The following SHOX2 variants were observed in gnomAD, a reference collection of about 807,000 sequenced individuals.
The protein encoded by SHOX2 is short stature homeobox protein 2.
Under a neutral mutation model 31.3 loss-of-function variants are expected in SHOX2, and 13 were observed. That is an observed-to-expected ratio of 0.42 (90% CI 0.27 to 0.66). SHOX2 has a LOEUF of 0.66. SHOX2 is among the 30% of genes least tolerant of loss of function. The pLI is 0.27. For synonymous variants in SHOX2, 244 were observed against 196.2 expected (o/e 1.24, Z -2.04); for missense variants, 473 against 443.0 (o/e 1.07, Z -0.61).
intron 1 of SHOX2, chr3:158,103,530 C>A (rs964763670): frequency 1.3e-5 from 2 of 155,680 alleles, no homozygotes; most frequent in African/African-American, 2.4e-5. Context: ...CCCCTGGGCT[C>A]GGGCCAAACC....
At chr3:158,103,135 C>T in intron 1 of SHOX2, 1 of 566,164 alleles carries the variant, frequency 1.8e-6, no homozygotes, top group Non-Finnish European at 3.2e-6. Context: ...TCATCCACCA[C>T]CTCCTTCACA....
Position 158,106,224 on chromosome 3 carries a change from AAG to A in SHOX2, c.-202_-201del. ...AGAGGAGGAGAAGTAGAAGGAGAAAAAGAAGTAAGAAGAGGAGGAGGAGGAAG... is the reference window on the plus strand; with the variant it reads ...AGAGGAGGAGAAGTAGAAGGAGAAAAAAGTAAGAAGAGGAGGAGGAGGAAG... On this transcript the variant is annotated 5_prime_UTR_variant, in exon 1 of 5. Coordinates refer to ENST00000483851, the MANE Select transcript of SHOX2 (RefSeq NM_001163678.2). 2 of 787,436 alleles carry A rather than the reference AAG, an allele frequency of 2.5e-6. No homozygotes were observed. The highest frequency in any genetic ancestry group is 3.4e-5 in the East Asian group (1 of 29,078). The allele number at this position is 787,436 out of a possible 1,614,324, so 48.8% of individuals were successfully genotyped here.
At chr3:158,105,254 C>G in intron 1 of SHOX2, 1 of 664,328 alleles carries the variant, frequency 1.5e-6, no homozygotes, top group East Asian at 2.7e-5. Flanking sequence ...CACCTCTGCC[C>G]CTTCTCCCTC....
intron 1 of SHOX2, 55 bp from the exon 2 acceptor site, chr3:158,102,941 C>A: frequency 1.4e-6 from 2 of 1,429,402 alleles, no homozygotes; most frequent in South Asian, 1.1e-5. Context: ...CACACACACA[C>A]ACGCACACAC....
At position 158,105,984 on chromosome 3, in the gene SHOX2, T is replaced by C; in HGVS notation, c.41A>G (p.Gln14Arg). The C allele has an allele frequency of 1.9e-6, 3 of 1,613,242 alleles. No homozygotes were observed. Among genetic ancestry groups the C allele is most frequent in the Non-Finnish European group, 2.5e-6 (3 of 1,179,824 alleles). ...LTAFVSKSFD[Q>R]KVKEKKEAIT... ...CGCCTCCTTCTTCTCCTTCACTTTC[T>C]GGTCAAAAGACTTGGAGACGAACGC... Residue 14 changes from glutamine to arginine, a missense_variant, in exon 1 of 5, where the codon CAG becomes CGG. This residue lies in a region of SHOX2 where 276 missense variants were observed against 230.0 expected (regional missense o/e 1.20). Coordinates refer to ENST00000483851, the MANE Select transcript of SHOX2 (RefSeq NM_001163678.2).
intron 2 of SHOX2, 64 bp downstream of exon 2, chr3:158,102,614 A>G (rs576242100): frequency 2.9e-6 from 4 of 1,365,132 alleles, no homozygotes; most frequent in Middle Eastern, 2.2e-4. Context: ...GTGTCCCCCA[A>G]GCCTCTTTCC....
chr3:158,105,680 C>T lies in SHOX2; in HGVS notation c.345G>A (p.Glu115=). 6.6e-7 allele frequency: 1 copy of T among 1,523,838 alleles called. No homozygotes were observed. The highest frequency in any genetic ancestry group is 1.7e-4 in the Middle Eastern group (1 of 5,848). 94.4% of individuals were successfully genotyped at this position (1,523,838 alleles called of 1,614,324 possible). ...SREPGSPRLT[E]VSPELKDRKE... ...GCCGGGGGTCAGTCAGGTCGTTACC[C>T]TCCGTCAGTCGCGGGCTGCCCGGCT... Residue 115 remains glutamate, a splice_region_variant and synonymous_variant, in exon 1 of 5, where the codon GAG becomes GAA. Transcript: ENST00000483851.
In SHOX2 at chr3:158,097,898, GA is replaced by G; in HGVS notation, c.*128del. 3.4e-6 allele frequency: 4 copies of G among 1,191,422 alleles called. No homozygotes were observed. Among genetic ancestry groups the G allele is most frequent in the Non-Finnish European group, 4.7e-6 (4 of 850,942 alleles). The allele number at this position is 1,191,422 out of a possible 1,614,324, so 73.8% of individuals were successfully genotyped here. On this transcript the variant is annotated 3_prime_UTR_variant, in exon 5 of 5. Transcript: ENST00000483851. ...GTCCAAGATGCGATAGGGGACGAGG[GA>G]TGGTCAGTGAGGCGGGAAGAGGGCC... is the stretch of plus-strand genomic sequence containing the variant.
At position 158,100,058 on chromosome 3, in the gene SHOX2, T is replaced by C. The variant is rs773611071; in HGVS notation, c.614-110A>G. Reference sequence around the variant, plus strand: ...TTCCTTTGAAAATGGACTATTATCTTTCTAAACTGCATCCAAAATTTAAAT... The same window carrying C: ...TTCCTTTGAAAATGGACTATTATCTCTCTAAACTGCATCCAAAATTTAAAT... On this transcript the variant is annotated intron_variant, in intron 3 of 4. Transcript: ENST00000483851. The C allele has an allele frequency of 1.8e-5, 18 of 1,014,970 alleles. No homozygotes were observed. The Admixed American group carries it at 2.2e-4, about 13-fold the overall frequency. 62.9% of individuals were successfully genotyped at this position (1,014,970 alleles called of 1,614,324 possible). A position where few individuals can be genotyped will look rare whatever the true frequency, so the allele number is the denominator to read the frequency against.
rs959523640 is a variant in SHOX2, at chr3:158,105,747, G to A, written c.278C>T (p.Pro93Leu). 7.2e-6 allele frequency: 11 copies of A among 1,521,940 alleles called. No individual in the cohort carries two copies. The highest frequency in any genetic ancestry group is 9.7e-6 in the Non-Finnish European group (11 of 1,135,912). 94.3% of individuals were successfully genotyped at this position (1,521,940 alleles called of 1,614,324 possible). The change falls in exon 1 of 5, where the codon CCC (proline) becomes CTC (leucine). Residue 93 changes from proline (P) to leucine (L), a missense_variant. By Grantham distance (98) the Pro-to-Leu change is moderately conservative. This residue lies in a region of SHOX2 where 276 missense variants were observed against 230.0 expected (regional missense o/e 1.20). Transcript: ENST00000483851. Reference sequence around the variant, plus strand: ...GGCGCCCATGTCCAGCTCCCGGACGGGAGAGCGCCCTCCTCCAGCTCCTCC... The same window carrying A: ...GGCGCCCATGTCCAGCTCCCGGACGAGAGAGCGCCCTCCTCCAGCTCCTCC... ...AGGGAGGGRS[P>L]VRELDMGAAE...
In SHOX2 at chr3:158,102,357, A is replaced by G. The variant is rs578075224; in HGVS notation, c.555+321T>C. On this transcript the variant is annotated intron_variant, in intron 2 of 4. Coordinates refer to ENST00000483851, the MANE Select transcript of SHOX2 (RefSeq NM_001163678.2). ...TGTGGGATTTTTTTTTAAGCCTTAT[A>G]AAAGTAGGCCCATTAGGATTAAACC... 2.6e-5 allele frequency among the ~76,000 whole-genome samples: 4 copies of G among 152,208 alleles called. No individual in the cohort carries two copies. The South Asian group carries it at 6.2e-4, about 24-fold the overall frequency.
At chr3:158,103,708 C>G (rs1215022119) in intron 1 of SHOX2, 4 of 152,312 alleles carry the variant, frequency 2.6e-5, no homozygotes, top group African/African-American at 9.6e-5. Context: ...GCGAAAGCAA[C>G]CGCTCTTTCT....
chr3:158,103,630 T>C (rs1608102), intron 1 of SHOX2: 137,907 of 152,352 alleles, frequency 0.91, 62,675 homozygotes, highest in East Asian at 1. Context: ...CCATGTTGGC[T>C]GCCCAAAGGG....
intron 1 of SHOX2, among the ~76,000 whole-genome samples, chr3:158,104,802 TTTC>T (rs1345764945): frequency 6.6e-6 from 1 of 152,252 alleles, no homozygotes; most frequent in African/African-American, 2.4e-5. Flanking sequence ...TGCCACATAT[TTTC>T]TTAATTGGAA....
chr3:158,100,634 G>A (rs538562815), intron 2 of SHOX2, among the ~76,000 whole-genome samples: 1 of 152,256 alleles, frequency 6.6e-6, no homozygotes, highest in South Asian at 2.1e-4. Flanking sequence ...TTAGATATTT[G>A]CCCAGTTAAG....
chr3:158,098,437 A>G (rs1713275595), intron 4 of SHOX2, 153 bp from the exon 5 acceptor site: 2 of 907,940 alleles, frequency 2.2e-6, no homozygotes, highest in Admixed American at 5.2e-5. Flanking sequence ...TTGTTCCGAC[A>G]GTGACCTTCT....
In SHOX2 at chr3:158,106,122, A is replaced by G. The variant is rs373947439; in HGVS notation, c.-98T>C. 6.4e-7 allele frequency: 1 copy of G among 1,552,314 alleles called. No individual in the cohort carries two copies. On this transcript the variant is annotated 5_prime_UTR_variant, in exon 1 of 5. Coordinates refer to ENST00000483851, the MANE Select transcript of SHOX2 (RefSeq NM_001163678.2). The stretch of plus-strand genomic sequence containing the variant: ...TACTGCTCCAGCCCCCCCAATAATA[A>G]CACATCAATGGGACAGGAGGTGGGG...
At position 158,098,263 on chromosome 3, in the gene SHOX2, C is replaced by G. The variant is rs374366818; in HGVS notation, c.724G>C (p.Asp242His). The G allele has an allele frequency of 6.2e-6, 10 of 1,613,658 alleles. No individual in the cohort carries two copies. The highest frequency in any genetic ancestry group is 8.5e-6 in the Non-Finnish European group (10 of 1,179,864). ...FQQVQAQLQL[D>H]SAVAHAHHHL... ...TGGTGCGCGTGCGCCACAGCGCTGT[C>G]CAGCTGCAGCTGCGCCTGAACCTGA... The change falls in exon 5 of 5, where the codon GAC becomes CAC. Residue 242 changes from aspartate to histidine, a missense_variant. This residue lies in a region of SHOX2 where 182 missense variants were observed against 167.2 expected (regional missense o/e 1.09). Transcript: ENST00000483851.
At chr3:158,105,151 T>C in intron 1 of SHOX2, 1 of 1,485,800 alleles carries the variant, frequency 6.7e-7, no homozygotes, top group South Asian at 1.2e-5. Flanking sequence ...ATGGGAAGTT[T>C]TGGCCCCTAA....
Sources: gnomAD v4.1 joint callset for allele counts (sites outside exome capture counted in the v4.1 genomes callset) on GRCh38, gnomAD v4.1.1 for gene constraint, gnomAD v4.1.1 regional missense constraint, MANE v1.5 for transcripts, NCBI Gene and HGNC (gene_info 2026-07-23, HGNC 2026-07-21) for gene names.